TENM3: variants seen among roughly 807,000 people sequenced by gnomAD.
TENM3 encodes the protein teneurin transmembrane protein 3.
A neutral mutation model predicts 255.1 loss-of-function variants in TENM3; 63 were observed. The observed-to-expected ratio is 0.25, with a 90% confidence interval of 0.20 to 0.30. The LOEUF (loss-of-function observed/expected upper bound fraction) is 0.30, where lower values mean the gene tolerates loss of function less well. Ranked by LOEUF, TENM3 falls within the 10% of genes least tolerant of loss-of-function variation. The pLI is 1.00. For synonymous variants in TENM3, 1,306 were observed against 1,322.3 expected (o/e 0.99, Z 0.27); for missense variants, 2,929 against 3,461.1 (o/e 0.85, Z 3.86).
the TENM3 span, among the ~76,000 whole-genome samples, chr4:181,674,894 G>A: frequency 6.6e-6 from 1 of 152,038 alleles, no homozygotes; most frequent in Non-Finnish European, 1.5e-5. Flanking sequence ...TTCCCAAATT[G>A]CTATCACATA....
At chr4:181,879,206 G>A in the TENM3 span, among the ~76,000 whole-genome samples, 1 of 151,832 alleles carries the variant, frequency 6.6e-6, no homozygotes, top group African/African-American at 2.4e-5. Flanking sequence ...AAATTCAGAA[G>A]AATAATATTC....
At chr4:181,983,402 C>T in the TENM3 span, among the ~76,000 whole-genome samples, 2 of 152,004 alleles carry the variant, frequency 1.3e-5, no homozygotes, top group Non-Finnish European at 2.9e-5. Flanking sequence ...ATAATGACAC[C>T]CTTTCTCAGG....
chr4:181,638,623 C>T, the TENM3 span, among the ~76,000 whole-genome samples: 1 of 152,244 alleles, frequency 6.6e-6, no homozygotes, highest in African/African-American at 2.4e-5. Flanking sequence ...GAGAGATTTG[C>T]TCTTTTTGCT....
At chr4:181,520,265 C>A in the TENM3 span, among the ~76,000 whole-genome samples, 1 of 152,154 alleles carries the variant, frequency 6.6e-6, no homozygotes, top group African/African-American at 2.4e-5. Flanking sequence ...CATCCTGCAC[C>A]GTGGGAAGCC....
At chr4:181,640,326 C>T in the TENM3 span, among the ~76,000 whole-genome samples, 1 of 152,142 alleles carries the variant, frequency 6.6e-6, no homozygotes, top group African/African-American at 2.4e-5. Flanking sequence ...ATGGCACATC[C>T]TAACAAAAGA....
chr4:182,478,332 C>CCTA (rs1458269877), intron 3 of TENM3, among the ~76,000 whole-genome samples: 1 of 151,676 alleles, frequency 6.6e-6, no homozygotes, highest in Non-Finnish European at 1.5e-5. Flanking sequence ...AATATTAGTG[C>CCTA]CATTGTAGTG....
At chr4:181,665,059 G>C in the TENM3 span, among the ~76,000 whole-genome samples, 1,258 of 152,194 alleles carry the variant, frequency 8.3e-3, 18 homozygotes, top group African/African-American at 0.028. Flanking sequence ...CTCACTAAAG[G>C]AGAAATAGGC....
At chr4:181,566,490 T>C in the TENM3 span, among the ~76,000 whole-genome samples, 1 of 152,168 alleles carries the variant, frequency 6.6e-6, no homozygotes, top group African/African-American at 2.4e-5. Context: ...ACAGGTAAGC[T>C]TGATTTCAGG....
chr4:182,200,388 C>G (rs1332368710), intron 1 of TENM3, among the ~76,000 whole-genome samples: 1 of 152,132 alleles, frequency 6.6e-6, no homozygotes, highest in African/African-American at 2.4e-5. Flanking sequence ...ATTCACACTT[C>G]AGGAAAATGA....
At chr4:181,666,864 C>G in the TENM3 span, among the ~76,000 whole-genome samples, 1 of 152,160 alleles carries the variant, frequency 6.6e-6, no homozygotes, top group Non-Finnish European at 1.5e-5. Flanking sequence ...ACATTCCCAT[C>G]GCTCTGCCCT....
At chr4:181,463,888 TA>T in the TENM3 span, among the ~76,000 whole-genome samples, 1 of 152,192 alleles carries the variant, frequency 6.6e-6, no homozygotes, top group Non-Finnish European at 1.5e-5. Flanking sequence ...GTAGTTTATA[TA>T]AATAAAACCA....
chr4:182,278,665 CAAA>C lies in TENM3; in HGVS notation c.-76+35203_-76+35205del, dbSNP rs532591080. ...CCCAGTGCCTGAAGTCCCCAGTGTG[CAAA>C]AAAAAAAAAAAAAGGAGGTGGAAAT... is the stretch of plus-strand genomic sequence containing the variant. On this transcript the variant is annotated intron_variant, in intron 1 of 27. Coordinates refer to ENST00000511685, the MANE Select transcript of TENM3 (RefSeq NM_001080477.4). Among the ~76,000 whole-genome samples the C allele has an allele frequency of 8.0e-3, 742 of 93,080 alleles. 7 individuals are homozygous for C. The highest frequency in any genetic ancestry group is 0.023 in the African/African-American group (683 of 29,998). 61.1% of individuals were successfully genotyped at this position (93,080 alleles called of 152,430 possible).
At chr4:182,605,990 A>T (rs1179023789) in intron 4 of TENM3, among the ~76,000 whole-genome samples, 5 of 152,230 alleles carry the variant, frequency 3.3e-5, no homozygotes, top group African/African-American at 1.2e-4. Context: ...CCTTAGATAA[A>T]TAAGAATAAG....
At chr4:182,234,173 G>C (rs1756749361) in intron 1 of TENM3, among the ~76,000 whole-genome samples, 1 of 151,076 alleles carries the variant, frequency 6.6e-6, no homozygotes, top group Non-Finnish European at 1.5e-5. Flanking sequence ...TGGATTGTCA[G>C]TCTCTCTCTC....
the TENM3 span, among the ~76,000 whole-genome samples, chr4:182,058,945 C>T: frequency 2.2e-5 from 3 of 139,028 alleles, no homozygotes; most frequent in Admixed American, 7.2e-5. Context: ...AGTCATAGCT[C>T]GTGTGTGTGT....
chr4:182,429,911 T>C (rs923533951), intron 3 of TENM3, among the ~76,000 whole-genome samples: 1 of 152,220 alleles, frequency 6.6e-6, no homozygotes, highest in African/African-American at 2.4e-5. Flanking sequence ...TCCAATGACA[T>C]GCGTATATTA....
the TENM3 span, among the ~76,000 whole-genome samples, chr4:181,816,292 A>G: frequency 6.6e-6 from 1 of 152,038 alleles, no homozygotes; most frequent in Non-Finnish European, 1.5e-5. Context: ...ACAAAAATCA[A>G]TCCTCATTCC....
intron 3 of TENM3, among the ~76,000 whole-genome samples, chr4:182,512,075 C>A (rs1364960681): frequency 1.3e-5 from 2 of 152,142 alleles, no homozygotes; most frequent in Admixed American, 1.3e-4. Context: ...ACTCTCATCT[C>A]CTGGGATAGT....
At chr4:182,591,241 AAAAGAGAGAG>A (rs1467364311) in intron 3 of TENM3, among the ~76,000 whole-genome samples, 2 of 152,190 alleles carry the variant, frequency 1.3e-5, no homozygotes, top group Admixed American at 6.5e-5. Flanking sequence ...AGAATCTAAA[AAAAGAGAGAG>A]AAAGAGAGAG....
Sources: gnomAD v4.1 joint callset for allele counts (sites outside exome capture counted in the v4.1 genomes callset) on GRCh38, gnomAD v4.1.1 for gene constraint, MANE v1.5 for transcripts, NCBI Gene and HGNC (gene_info 2026-07-23, HGNC 2026-07-21) for gene names.